Variants in ZC3H12B observed in about 807,000 individuals in gnomAD.
ZC3H12B encodes zinc finger CCCH-type containing 12B.
ZC3H12B carries 7 observed loss-of-function variants against 43.9 expected under a neutral mutation model. The observed-to-expected ratio is 0.16, with a 90% CI of 0.09 to 0.30. ZC3H12B has a LOEUF of 0.30. Ranked by LOEUF, ZC3H12B falls within the 10% of genes least tolerant of loss-of-function variation. The probability of loss-of-function intolerance (pLI) is 1.00; values close to 1 mark genes in which losing one functional copy is unlikely to be tolerated. For synonymous variants in ZC3H12B, 222 were observed against 241.7 expected (o/e 0.92, Z 0.76); for missense variants, 475 against 670.2 (o/e 0.71, Z 3.22).
chrX:65,241,221 C>T, the ZC3H12B span, among the ~76,000 whole-genome samples: 2 of 112,726 alleles, frequency 1.8e-5, no homozygotes, highest in Non-Finnish European at 3.8e-5. Context: ...AGGAAGAGAT[C>T]AAAGTTCTGT....
At chrX:65,092,006 C>T in the ZC3H12B span, among the ~76,000 whole-genome samples, 22 of 111,321 alleles carry the variant, frequency 2.0e-4, no homozygotes, top group Admixed American at 9.5e-4. Flanking sequence ...ATTGGTTCAG[C>T]GCCATCCCTT....
the ZC3H12B span, among the ~76,000 whole-genome samples, chrX:65,217,193 C>T: frequency 9.8e-5 from 11 of 112,165 alleles, no homozygotes; most frequent in Admixed American, 4.7e-4. Flanking sequence ...ATCCAGCAAG[C>T]GTGCGTATCC....
chrX:65,139,553 G>A, the ZC3H12B span, among the ~76,000 whole-genome samples: 1 of 111,265 alleles, frequency 9.0e-6, no homozygotes, highest in Admixed American at 9.5e-5. Flanking sequence ...CTTAACATTC[G>A]TTTGGGTGTT....
chrX:65,086,811 G>C, the ZC3H12B span, among the ~76,000 whole-genome samples: 1 of 111,580 alleles, frequency 9.0e-6, no homozygotes, highest in Non-Finnish European at 1.9e-5. Context: ...TTTTGTTATA[G>C]CATCCCAAAC....
the ZC3H12B span, among the ~76,000 whole-genome samples, chrX:65,063,050 G>T: frequency 8.9e-6 from 1 of 112,143 alleles, no homozygotes; most frequent in Admixed American, 9.4e-5. Flanking sequence ...TCAGCTTAAG[G>T]TGTTGTTGGA....
chrX:65,147,679 G>A, the ZC3H12B span, among the ~76,000 whole-genome samples: 10 of 111,429 alleles, frequency 9.0e-5, no homozygotes, highest in Admixed American at 2.8e-4. Context: ...GTGGGAATTG[G>A]CCTAGAGCCT....
the ZC3H12B span, among the ~76,000 whole-genome samples, chrX:65,284,843 G>A: frequency 9.0e-6 from 1 of 111,281 alleles, no homozygotes. Context: ...TTCATTGAAA[G>A]AAATAAAAAC....
chrX:65,161,488 G>C, the ZC3H12B span, among the ~76,000 whole-genome samples: 1 of 111,888 alleles, frequency 8.9e-6, no homozygotes, highest in Non-Finnish European at 1.9e-5. Flanking sequence ...AGCTCTTCTT[G>C]TTGAATTGAT....
At chrX:65,343,575 C>T in the ZC3H12B span, among the ~76,000 whole-genome samples, 1 of 112,154 alleles carries the variant, frequency 8.9e-6, no homozygotes, top group Non-Finnish European at 1.9e-5. Flanking sequence ...AAGACAAAAG[C>T]CACATGACTA....
At chrX:65,412,238 CAAT>C (rs2066912302) in intron 3 of ZC3H12B, among the ~76,000 whole-genome samples, 1 of 111,763 alleles carries the variant, frequency 8.9e-6, no homozygotes, top group Non-Finnish European at 1.9e-5. Context: ...TGGAATTATA[CAAT>C]ATGTGACCTT....
At chrX:65,500,677 C>T (rs1170394770) in intron 4 of ZC3H12B, among the ~76,000 whole-genome samples, 1 of 111,107 alleles carries the variant, frequency 9.0e-6, no homozygotes, top group African/African-American at 3.3e-5. Flanking sequence ...GATCCACCCA[C>T]CTCGGCCTCT....
the ZC3H12B span, among the ~76,000 whole-genome samples, chrX:65,319,260 CA>C: frequency 9.0e-6 from 1 of 111,416 alleles, no homozygotes; most frequent in African/African-American, 3.3e-5. Context: ...ACTGAACCCA[CA>C]AAAATACAAA....
At chrX:65,222,223 A>G in the ZC3H12B span, among the ~76,000 whole-genome samples, 2 of 111,698 alleles carry the variant, frequency 1.8e-5, no homozygotes, top group African/African-American at 6.5e-5. Flanking sequence ...GCCATCTATG[A>G]CAAATCCACA....
At chrX:65,160,321 G>A in the ZC3H12B span, among the ~76,000 whole-genome samples, 2 of 111,857 alleles carry the variant, frequency 1.8e-5, no homozygotes, top group Non-Finnish European at 3.8e-5. Context: ...GATTGGAATA[G>A]TTTCAGAAGG....
intron 3 of ZC3H12B, among the ~76,000 whole-genome samples, chrX:65,414,036 T>C (rs1031376133): frequency 8.9e-6 from 1 of 112,433 alleles, no homozygotes; most frequent in Non-Finnish European, 1.9e-5. Flanking sequence ...ATTTGGGTGC[T>C]ATTGTAAATT....
At chrX:65,217,141 A>T in the ZC3H12B span, among the ~76,000 whole-genome samples, 1 of 111,886 alleles carries the variant, frequency 8.9e-6, no homozygotes, top group Non-Finnish European at 1.9e-5. Context: ...GAAAAAAGCA[A>T]AACTTTGTCT....
At chrX:65,212,687 T>C in the ZC3H12B span, among the ~76,000 whole-genome samples, 4 of 90,822 alleles carry the variant, frequency 4.4e-5, no homozygotes, top group African/African-American at 1.6e-4. Flanking sequence ...TTATATATCA[T>C]ATATAAATAT....
chrX:65,118,927 C>T, the ZC3H12B span, among the ~76,000 whole-genome samples: 2 of 108,176 alleles, frequency 1.8e-5, no homozygotes, highest in African/African-American at 6.8e-5. Flanking sequence ...GCGATAGTTT[C>T]CTCAGAATGA....
chrX:65,226,600 A>G, the ZC3H12B span, among the ~76,000 whole-genome samples: 4 of 111,750 alleles, frequency 3.6e-5, no homozygotes, highest in African/African-American at 1.3e-4. Context: ...TTGGATAAAG[A>G]GTCAAGACCC....
Sources: allele counts gnomAD v4.1 joint callset (sites outside exome capture counted in the v4.1 genomes callset), GRCh38; gene constraint gnomAD v4.1.1; transcripts MANE v1.5; gene names NCBI Gene and HGNC (gene_info 2026-07-23, HGNC 2026-07-21).